The following ZNF677 variants were observed in gnomAD, a reference collection of about 807,000 sequenced individuals.
The protein encoded by ZNF677 is hypothetical protein MGC48625.
ZNF677 carries 5 observed loss-of-function variants against 8.1 expected under a neutral mutation model. That is an observed-to-expected ratio of 0.62 (90% CI 0.32 to 1.29). ZNF677 has a LOEUF of 1.29. Among genes scored for constraint, ZNF677 ranks in the 50% most tolerant of loss-of-function variants. The probability of loss-of-function intolerance (pLI) is 0.05; values close to 1 mark genes in which losing one functional copy is unlikely to be tolerated. For missense variants in ZNF677, 685 were observed against 685.9 expected (o/e 1.00, Z 0.01); for synonymous variants, 221 against 225.6 (o/e 0.98, Z 0.18).
At chr19:53,242,272 A>G in intron 4 of ZNF677, 1 of 398,602 alleles carries the variant, frequency 2.5e-6, no homozygotes, top group Non-Finnish European at 4.4e-6. Context: ...GGCAAATCTT[A>G]GAAGAATATG....
intron 3 of ZNF677, among the ~76,000 whole-genome samples, chr19:53,247,293 C>T (rs567699399): frequency 6.6e-6 from 1 of 152,054 alleles, no homozygotes; most frequent in East Asian, 1.9e-4. Context: ...GCAGCAGTGT[C>T]CAACCTTTTG....
At chr19:53,252,122 AAAAGCTGAGAGAG>A (rs1339602205) in intron 2 of ZNF677, among the ~76,000 whole-genome samples, 2 of 152,196 alleles carry the variant, frequency 1.3e-5, no homozygotes, top group Non-Finnish European at 2.9e-5. Context: ...AGAAAGAATA[AAAAGCTGAGAGAG>A]AAGCAGCTCT....
intron 3 of ZNF677, 103 bp downstream of exon 3, chr19:53,251,433 A>G (rs144987856): frequency 5.2e-4 from 471 of 906,338 alleles, no homozygotes; most frequent in East Asian, 1.5e-3. Flanking sequence ...GTGAATATAC[A>G]TATTAGTCAG....
chr19:53,242,904 A>G (rs2914383), intron 4 of ZNF677: 62,132 of 152,310 alleles, frequency 0.41, 13,437 homozygotes, highest in East Asian at 0.75. Flanking sequence ...AGGTCATGAT[A>G]GCACCTTTGC....
intron 1 of ZNF677, chr19:53,254,534 G>A (rs1242608486): frequency 1.3e-5 from 2 of 152,330 alleles, no homozygotes; most frequent in Admixed American, 6.5e-5. Flanking sequence ...GGGGAGGGAA[G>A]AGGGAGTCAG....
chr19:53,246,292 T>G (rs1392511144), intron 3 of ZNF677, among the ~76,000 whole-genome samples: 1 of 119,570 alleles, frequency 8.4e-6, no homozygotes, highest in Non-Finnish European at 1.6e-5. Context: ...CACTCCAGCC[T>G]GGGTGACAGA....
chr19:53,245,190 T>C lies in ZNF677; in HGVS notation c.16-1293A>G, dbSNP rs750040434. ...ATTGTAAAACTCCTAGAAGAAAACA[T>C]AGGGAAAATGTTCTTGACATTATCT... is the stretch of plus-strand genomic sequence containing the variant. On this transcript the variant is annotated intron_variant, in intron 3 of 4. Coordinates refer to ENST00000598513, the MANE Select transcript of ZNF677 (RefSeq NM_182609.4). Among the ~76,000 whole-genome samples the C allele has an allele frequency of 3.9e-5, 6 of 152,026 alleles. No individual in the cohort carries two copies. In the South Asian group the frequency reaches 6.2e-4, roughly 16 times the overall value.
chr19:53,243,966 A>C, intron 3 of ZNF677, 69 bp from the exon 4 acceptor site: 1 of 1,444,848 alleles, frequency 6.9e-7, no homozygotes, highest in African/African-American at 1.4e-5. Context: ...AATGGCAGAA[A>C]AGAGGTGTAC....
intron 4 of ZNF677, chr19:53,242,008 C>G: frequency 2.5e-6 from 1 of 394,334 alleles, no homozygotes; most frequent in Non-Finnish European, 4.5e-6. Flanking sequence ...CTCGGCTCAC[C>G]ACAACCTCTG....
rs1317170367 is a variant in ZNF677 at position 53,237,832 on chromosome 19, C to T, written c.895G>A (p.Ala299Thr). 1 of 1,613,120 alleles carries T rather than the reference C, an allele frequency of 6.2e-7. No homozygotes were observed. Among genetic ancestry groups the T allele is most frequent in the Non-Finnish European group, 8.5e-7 (1 of 1,179,576 alleles). ...RPYKCNECGKAFNQCSNLTRH... is the reference protein window; with the variant it reads ...RPYKCNECGKTFNQCSNLTRH... Reference sequence around the variant, plus strand: ...GTGAGGTTCGAACACTGGTTAAAGGCTTTGCCACACTCGTTACATTTGTAA... The same window carrying T: ...GTGAGGTTCGAACACTGGTTAAAGGTTTTGCCACACTCGTTACATTTGTAA... The change falls in exon 5 of 5, where the codon GCC becomes ACC. Residue 299 changes from alanine (A) to threonine (T), a missense_variant. Physicochemically the swap from Ala to Thr is moderately conservative, Grantham distance 58 (BLOSUM62 0). Transcript: ENST00000598513.
At position 53,237,602 on chromosome 19, in the gene ZNF677, G is replaced by GT. The variant is rs1404363288; in HGVS notation, c.1124dup (p.Tyr375Ter). Residue 375 changes from tyrosine to a stop codon, truncating the protein, a stop_gained and frameshift_variant, in exon 5 of 5, where the codon TAC becomes TAAC. Coordinates refer to ENST00000598513, the MANE Select transcript of ZNF677 (RefSeq NM_182609.4). LOFTEE classifies it low-confidence loss of function (END_TRUNC). ...AGGCTTTGTCACATTCATTACATTT[G>GT]TAAGGTTTCTCTCCAGTATGAATTC... is the stretch of plus-strand genomic sequence containing the variant. ...HERIHTGEKP[Y>*]KCNECDKAFA... 1.9e-6 allele frequency: 3 copies of GT among 1,613,714 alleles called. No individual in the cohort carries two copies. The highest frequency in any genetic ancestry group is 2.5e-6 in the Non-Finnish European group (3 of 1,179,892).
At chr19:53,246,911 ACTTT>A (rs951411004) in intron 3 of ZNF677, among the ~76,000 whole-genome samples, 1 of 152,176 alleles carries the variant, frequency 6.6e-6, no homozygotes, top group African/African-American at 2.4e-5. Flanking sequence ...CAAGAAAAAA[ACTTT>A]CTGAGGCAAT....
In ZNF677 at chr19:53,237,926, G is replaced by A; in HGVS notation, c.801C>T (p.Asp267=). Residue 267 remains aspartate, a synonymous_variant, in exon 5 of 5, where the codon GAC becomes GAT. Coordinates refer to ENST00000598513, the MANE Select transcript of ZNF677 (RefSeq NM_182609.4). ...HIREKSYKCN[D]CGKAFSKSSN... ...AACTTTTGCTAAAAGCCTTTCCACA[G>A]TCATTACACTTGTATGATTTTTCTC... The A allele has an allele frequency of 2.5e-6, 4 of 1,612,432 alleles. No individual in the cohort carries two copies. Among genetic ancestry groups the A allele is most frequent in the Non-Finnish European group, 3.4e-6 (4 of 1,179,956 alleles).
At chr19:53,251,094 T>C (rs1328229418) in intron 3 of ZNF677, among the ~76,000 whole-genome samples, 2 of 152,248 alleles carry the variant, frequency 1.3e-5, no homozygotes. Context: ...AAATGTATTA[T>C]AAACTCAAGC....
At chr19:53,244,390 T>C (rs2091103669) in intron 3 of ZNF677, among the ~76,000 whole-genome samples, 1 of 152,306 alleles carries the variant, frequency 6.6e-6, no homozygotes, top group Non-Finnish European at 1.5e-5. Context: ...TTAGCCATTT[T>C]AAAGTACAAT....
Position 53,237,916 on chromosome 19 carries a change from C to G in ZNF677, c.811G>C (p.Ala271Pro). 2 of 1,612,556 alleles carry G rather than the reference C, an allele frequency of 1.2e-6. No homozygotes were observed. Among genetic ancestry groups the G allele is most frequent in the Non-Finnish European group, 8.5e-7 (1 of 1,179,956 alleles). Residue 271 changes from alanine to proline, a missense_variant, in exon 5 of 5, where the codon GCT becomes CCT. By Grantham distance (27) the Ala-to-Pro change is conservative (BLOSUM62 -1). Transcript: ENST00000598513. The part of the protein sequence containing the change: ...KSYKCNDCGK[A>P]FSKSSNLTNH... ...GTGAGGTTCGAACTTTTGCTAAAAG[C>G]CTTTCCACAGTCATTACACTTGTAT... is the stretch of plus-strand genomic sequence containing the variant.
chr19:53,246,799 AAC>A (rs1396535430), intron 3 of ZNF677, among the ~76,000 whole-genome samples: 1 of 152,214 alleles, frequency 6.6e-6, no homozygotes, highest in Non-Finnish European at 1.5e-5. Context: ...TCTCCTGAAT[AAC>A]ACAGTGCTTA....
intron 2 of ZNF677, among the ~76,000 whole-genome samples, chr19:53,252,735 T>C (rs2091254425): frequency 6.6e-6 from 1 of 152,170 alleles, no homozygotes; most frequent in Admixed American, 6.5e-5. Flanking sequence ...CTTCAACATC[T>C]TGCAGAGAAA....
At chr19:53,246,469 G>A (rs928337032) in intron 3 of ZNF677, among the ~76,000 whole-genome samples, 26 of 147,450 alleles carry the variant, frequency 1.8e-4, no homozygotes, top group African/African-American at 6.3e-4. Context: ...ATCAAGGAAT[G>A]ACTGAATAAA....
Sources: gnomAD v4.1 joint callset for allele counts (sites outside exome capture counted in the v4.1 genomes callset) on GRCh38, gnomAD v4.1.1 for gene constraint, MANE v1.5 for transcripts, NCBI Gene and HGNC (gene_info 2026-07-23, HGNC 2026-07-21) for gene names.